The following BTAF1 variants were observed in gnomAD, a reference collection of about 807,000 sequenced individuals.
BTAF1 encodes the protein TATA-binding protein-associated factor 172.
In BTAF1, 38 loss-of-function variants were observed where a neutral mutation model predicts 227.1. The ratio of observed to expected loss-of-function variants is 0.17; its 90% CI spans 0.13 to 0.22. BTAF1 has a LOEUF of 0.22. BTAF1 is among the 10% of genes least tolerant of loss of function. The pLI, the probability that BTAF1 is intolerant of heterozygous loss-of-function variation, is 1.00. For synonymous variants in BTAF1, 742 were observed against 751.9 expected (o/e 0.99, Z 0.21); for missense variants, 1,598 against 2,204.0 (o/e 0.73, Z 5.51).
chr10:91,980,652 T>A, intron 15 of BTAF1, 94 bp downstream of exon 15: 1 of 943,854 alleles, frequency 1.1e-6, no homozygotes, highest in Non-Finnish European at 1.7e-6. Flanking sequence ...CATTCATATC[T>A]CATGGAGATT....
rs946512719 is a variant in BTAF1 at position 91,951,433 on chromosome 10, G to A, written c.431G>A (p.Arg144His). 3.1e-6 allele frequency: 5 copies of A among 1,612,126 alleles called. No individual in the cohort carries two copies. The highest frequency in any genetic ancestry group is 2.7e-5 in the African/African-American group (2 of 74,810). The change falls in exon 5 of 38, where the codon CGC becomes CAC. Residue 144 changes from arginine (R) to histidine (H), a missense_variant. By Grantham distance (29) the Arg-to-His change is conservative. Coordinates refer to ENST00000265990, the MANE Select transcript of BTAF1 (RefSeq NM_003972.3). ...GEVDPKERIA[R>H]QRKLLQKKLG... ...GTGGATCCTAAAGAGAGGATAGCAC[G>A]CCAACGAAAATTATTACAGAAGAAA...
chr10:91,951,737 A>G (rs1422650698), intron 5 of BTAF1, among the ~76,000 whole-genome samples, 171 bp downstream of exon 5: 4 of 152,212 alleles, frequency 2.6e-5, no homozygotes, highest in Non-Finnish European at 4.4e-5. Context: ...GACAGATTCT[A>G]TAGAGTTAGA....
intron 1 of BTAF1, 119 bp from the exon 2 acceptor site, chr10:91,935,538 G>A: frequency 2.9e-6 from 3 of 1,046,844 alleles, no homozygotes; most frequent in Non-Finnish European, 4.0e-6. Context: ...TCTTTCCGGG[G>A]CTCATTTATG....
rs372746538 is a variant in BTAF1, at chr10:91,993,815, C to T, written c.3167C>T (p.Pro1056Leu). 1.4e-5 allele frequency: 22 copies of T among 1,603,316 alleles called. No individual in the cohort carries two copies. The highest frequency in any genetic ancestry group is 1.4e-5 in the Non-Finnish European group (17 of 1,174,544). Residue 1056 changes from proline (P) to leucine (L), a missense_variant, in exon 22 of 38, where the codon CCA (proline) becomes CTA (leucine). Coordinates refer to ENST00000265990, the MANE Select transcript of BTAF1 (RefSeq NM_003972.3). The stretch of plus-strand genomic sequence containing the variant: ...CATCTCTGGGATGCTATGGTTGGCC[C>T]ATTGAGGAATACAATCGACATAAAT... ...LPHLWDAMVG[P>L]LRNTIDINNF... is the part of the protein sequence containing the mutation.
intron 25 of BTAF1, among the ~76,000 whole-genome samples, chr10:92,006,306 T>C (rs928932917): frequency 1.1e-4 from 17 of 152,234 alleles, no homozygotes; most frequent in African/African-American, 4.1e-4. Flanking sequence ...TATTATTTTA[T>C]CTGATAGCAT....
intron 1 of BTAF1, among the ~76,000 whole-genome samples, 200 bp downstream of exon 1, chr10:91,924,290 C>T (rs1295905990): frequency 6.6e-6 from 1 of 152,182 alleles, no homozygotes; most frequent in Admixed American, 6.5e-5. Flanking sequence ...TCAATAATGC[C>T]TTTTTCTTGT....
At chr10:92,017,605 G>C (rs1470769907) in intron 33 of BTAF1, among the ~76,000 whole-genome samples, 2 of 151,778 alleles carry the variant, frequency 1.3e-5, no homozygotes, top group Non-Finnish European at 2.9e-5. Context: ...CAAATTCCAG[G>C]GCTCAAGCGA....
At position 91,923,976 on chromosome 10, in the gene BTAF1, GCTCCGCGGC is replaced by G; in HGVS notation, c.-98_-90del. On this transcript the variant is annotated 5_prime_UTR_variant, in exon 1 of 38. Coordinates refer to ENST00000265990, the MANE Select transcript of BTAF1 (RefSeq NM_003972.3). ...CACGCCGCACCGGCCGCTCCCCTGTGCTCCGCGGCCTGGGCCTGCGCCGCTCAGCTCTCT... is the reference window on the plus strand; with the variant it reads ...CACGCCGCACCGGCCGCTCCCCTGTGCTGGGCCTGCGCCGCTCAGCTCTCT... 1.1e-5 allele frequency: 16 copies of G among 1,442,162 alleles called. No homozygotes were observed. The highest frequency in any genetic ancestry group is 1.5e-5 in the Non-Finnish European group (16 of 1,090,134). 89.3% of individuals were successfully genotyped at this position (1,442,162 alleles called of 1,614,324 possible).
intron 34 of BTAF1, among the ~76,000 whole-genome samples, 199 bp from the exon 35 acceptor site, chr10:92,024,557 C>CAGGG (rs1190023055): frequency 1.3e-5 from 2 of 151,986 alleles, no homozygotes; most frequent in African/African-American, 4.8e-5. Context: ...AAGAGGTGAT[C>CAGGG]AGGGAGCTCT....
At chr10:91,928,925 C>T (rs762103111) in intron 1 of BTAF1, among the ~76,000 whole-genome samples, 16 of 152,154 alleles carry the variant, frequency 1.1e-4, no homozygotes, top group Admixed American at 4.6e-4. Context: ...ATCCTCCCAC[C>T]TCAGCCTCCC....
chr10:91,977,362 C>T (rs951667936), intron 14 of BTAF1, among the ~76,000 whole-genome samples: 13 of 152,042 alleles, frequency 8.6e-5, no homozygotes, highest in African/African-American at 3.1e-4. Flanking sequence ...TTCAGATTGG[C>T]TTTTTTCACT....
chr10:91,929,247 A>G (rs917692904), intron 1 of BTAF1, among the ~76,000 whole-genome samples: 4 of 152,250 alleles, frequency 2.6e-5, no homozygotes, highest in East Asian at 1.9e-4. Context: ...TATATTGGCT[A>G]GTTAATAGGA....
intron 4 of BTAF1, among the ~76,000 whole-genome samples, chr10:91,943,983 T>A (rs1403578802): frequency 6.6e-6 from 1 of 152,018 alleles, no homozygotes; most frequent in East Asian, 1.9e-4. Context: ...AAACCCTGTC[T>A]GTACTAAAAA....
intron 2 of BTAF1, among the ~76,000 whole-genome samples, chr10:91,938,820 A>G (rs1196764812): frequency 6.6e-6 from 1 of 152,172 alleles, no homozygotes; most frequent in East Asian, 1.9e-4. Context: ...TGACTAAGAC[A>G]CTGCATTTCA....
chr10:91,956,379 T>A (rs1450439771), intron 6 of BTAF1, 149 bp from the exon 7 acceptor site: 8 of 1,017,074 alleles, frequency 7.9e-6, no homozygotes, highest in Non-Finnish European at 1.1e-5. Flanking sequence ...TTTAAGTAAA[T>A]CATATAAGCA....
chr10:92,027,214 A>G lies in BTAF1; in HGVS notation c.5320A>G (p.Ile1774Val), dbSNP rs1851575209. ...IMGLQKFKMN[I>V]ANTVISQENS... Reference sequence around the variant, plus strand: ...GGGGTTGCAGAAATTCAAGATGAACATAGCGAATACTGTTATTAGCCAAGA... The same window carrying G: ...GGGGTTGCAGAAATTCAAGATGAACGTAGCGAATACTGTTATTAGCCAAGA... The change falls in exon 37 of 38, where the codon ATA becomes GTA. Residue 1774 changes from isoleucine to valine, a missense_variant. By Grantham distance (29) the Ile-to-Val change is conservative. Transcript: ENST00000265990. The G allele has an allele frequency of 6.2e-7, 1 of 1,614,044 alleles. No homozygotes were observed. The highest frequency in any genetic ancestry group is 8.5e-7 in the Non-Finnish European group (1 of 1,179,930).
Position 91,991,521 on chromosome 10 carries a change from C to T in BTAF1, c.2855-598C>T, listed in dbSNP as rs896773721. 1.3e-4 allele frequency among the ~76,000 whole-genome samples: 20 copies of T among 150,692 alleles called. No individual in the cohort carries two copies. In the South Asian group the frequency reaches 2.1e-3, roughly 16 times the overall value. On this transcript the variant is annotated intron_variant, in intron 20 of 37. Transcript: ENST00000265990. ...ATCCCAGCATTTTGGGAGGCCGAGG[C>T]GGGCAGATGGAATGAGCTCAGGAGT... is the stretch of plus-strand genomic sequence containing the variant.
At chr10:91,992,909 C>CA (rs1564701809) in intron 21 of BTAF1, among the ~76,000 whole-genome samples, 1 of 152,168 alleles carries the variant, frequency 6.6e-6, no homozygotes, top group Non-Finnish European at 1.5e-5. Context: ...ATCTGACAGT[C>CA]ACATTATTAG....
chr10:92,024,107 T>C (rs1851324338), intron 34 of BTAF1, among the ~76,000 whole-genome samples: 1 of 152,236 alleles, frequency 6.6e-6, no homozygotes, highest in Non-Finnish European at 1.5e-5. Flanking sequence ...ACTTTAGGAA[T>C]AAGTATAAAT....
Sources: gnomAD v4.1 joint callset for allele counts (sites outside exome capture counted in the v4.1 genomes callset) on GRCh38, gnomAD v4.1.1 for gene constraint, MANE v1.5 for transcripts, NCBI Gene and HGNC (gene_info 2026-07-23, HGNC 2026-07-21) for gene names.